The following PROM1 variants were observed in gnomAD, a reference collection of about 807,000 sequenced individuals.
PROM1 encodes prominin 1.
In PROM1, 105 loss-of-function variants were observed where a neutral mutation model predicts 116.9. That is an observed-to-expected ratio of 0.90 (90% confidence interval 0.77 to 1.06). The LOEUF (loss-of-function observed/expected upper bound fraction) is 1.06, where lower values mean the gene tolerates loss of function less well. Among genes scored for constraint, PROM1 ranks in the 50% least tolerant of loss-of-function variants. The pLI, the probability that PROM1 is intolerant of heterozygous loss-of-function variation, is 0.00. For synonymous variants in PROM1, 393 were observed against 387.0 expected, an observed-to-expected ratio of 1.02 and a Z score of -0.18; for missense variants, 1,122 against 1,045.2, an observed-to-expected ratio of 1.07 and a Z score of -1.01.
chr4:16,077,616 G>A (rs1744234375), intron 1 of PROM1, among the ~76,000 whole-genome samples: 1 of 152,052 alleles, frequency 6.6e-6, no homozygotes, highest in Non-Finnish European at 1.5e-5. Context: ...GGTGTGGAGG[G>A]GCAACCCACC....
chr4:16,072,212 T>C (rs1008076956), intron 2 of PROM1, among the ~76,000 whole-genome samples: 5 of 152,140 alleles, frequency 3.3e-5, no homozygotes, highest in African/African-American at 1.2e-4. Flanking sequence ...TTTATTAAGC[T>C]GGAACTTGAG....
rs1384321274 is a variant in PROM1, at chr4:16,009,075, T to A, written c.1175A>T (p.Asp392Val). 6.2e-7 allele frequency: 1 copy of A among 1,612,706 alleles called. No homozygotes were observed. Among genetic ancestry groups the A allele is most frequent in the African/African-American group, 1.3e-5 (1 of 74,908 alleles). ...AAGACGCTGAGTTACATTGTCGATA[T>A]CTGAACCAATGGAATTCAAGACCCT... ...IKRVLNSIGS[D>V]IDNVTQRLPI... Residue 392 changes from aspartate (D) to valine (V), a missense_variant, in exon 12 of 28, where the codon GAT becomes GTT. Coordinates refer to ENST00000447510, the MANE Select transcript of PROM1 (RefSeq NM_006017.3).
intron 8 of PROM1, among the ~76,000 whole-genome samples, chr4:16,021,918 A>C (rs1730001188): frequency 6.6e-6 from 1 of 152,170 alleles, no homozygotes; most frequent in Non-Finnish European, 1.5e-5. Context: ...AAGTTTAGGG[A>C]GGTAACTAAC....
At chr4:16,037,859 G>A (rs1734290029) in intron 3 of PROM1, 1 of 152,188 alleles carries the variant, frequency 6.6e-6, no homozygotes. Context: ...GGAGTGCATT[G>A]GCAGCAACTT....
Position 15,992,333 on chromosome 4 carries a change from AG to A in PROM1, c.1825del (p.Leu609CysfsTer18). On this transcript the variant is annotated frameshift_variant, in exon 17 of 28. Coordinates refer to ENST00000447510, the MANE Select transcript of PROM1 (RefSeq NM_006017.3). LOFTEE classifies it high-confidence loss of function. ...GTTTTTTCTTCCTGCTGCACCCAAC[AG>A]AAAGATATTAAGATTTACCTTCAGA... Reference protein sequence around the residue: ...ESLKVNLNIFLLGAAGRKNLQ... With the variant: ...ESLKVNLNIFXLGAAGRKNLQ... 2 of 1,613,974 alleles carry A rather than the reference AG, an allele frequency of 1.2e-6. No homozygotes were observed. Among genetic ancestry groups the A allele is most frequent in the Non-Finnish European group, 1.7e-6 (2 of 1,179,858 alleles).
At chr4:16,022,440 G>C (rs549316777) in intron 8 of PROM1, among the ~76,000 whole-genome samples, 2 of 152,334 alleles carry the variant, frequency 1.3e-5, no homozygotes, top group South Asian at 4.1e-4. Context: ...CTTTCAATTA[G>C]TTAGGACTCA....
At chr4:16,083,899 C>A (rs7669150) in intron 1 of PROM1, 79 bp downstream of exon 1, 4 of 152,216 alleles carry the variant, frequency 2.6e-5, no homozygotes, top group Non-Finnish European at 5.9e-5. Context: ...CGGGGGGACC[C>A]GTTGCGGCTT....
At chr4:16,039,071 G>C in intron 2 of PROM1, 70 bp from the exon 3 acceptor site, 1 of 1,271,144 alleles carries the variant, frequency 7.9e-7, no homozygotes, top group Non-Finnish European at 1.0e-6. Flanking sequence ...TTTAGAAAAA[G>C]ATCTTTATAT....
At position 15,983,969 on chromosome 4, in the gene PROM1, A is replaced by C. The variant is rs191488432; in HGVS notation, c.2373+294T>G. Among the ~76,000 whole-genome samples, 195 of 152,340 alleles carry C rather than the reference A, an allele frequency of 1.3e-3. 2 individuals carry two copies. The highest frequency in any genetic ancestry group is 4.6e-3 in the African/African-American group (192 of 41,588). ...GTAGTTGTACTGAGTATTCTTTTGA[A>C]GATGAGAAATCTGCACACCCGTGAC... On this transcript the variant is annotated intron_variant, in intron 23 of 27. Transcript: ENST00000447510.
chr4:16,018,457 T>G lies in PROM1; in HGVS notation c.868A>C (p.Ser290Arg), dbSNP rs182096110. The G allele has an allele frequency of 8.3e-4, 1,342 of 1,613,698 alleles. 14 individuals are homozygous for G. The East Asian group carries it at 0.016, about 19-fold the overall frequency. ...AGGCTAGTTTTCACGCTGGTCAGAC[T>G]GCTGCTAAGCTGTGTACTTTGTTGG... is the stretch of plus-strand genomic sequence containing the variant. ...LHQQSTQLSS[S>R]LTSVKTSLRS... The change falls in exon 9 of 28, where the codon AGT becomes CGT. Residue 290 changes from serine (S) to arginine (R), a missense_variant. Ser to Arg is a moderately radical substitution (Grantham distance 110). Coordinates refer to ENST00000447510, the MANE Select transcript of PROM1 (RefSeq NM_006017.3).
chr4:16,003,615 C>G (rs1180744035), intron 13 of PROM1, among the ~76,000 whole-genome samples: 5 of 152,144 alleles, frequency 3.3e-5, no homozygotes, highest in Non-Finnish European at 4.4e-5. Flanking sequence ...CGCCCCCCTG[C>G]AACAGATAAT....
At chr4:15,981,864 A>G (rs148023772) in intron 23 of PROM1, among the ~76,000 whole-genome samples, 56 of 152,346 alleles carry the variant, frequency 3.7e-4, no homozygotes, top group African/African-American at 1.3e-3. Context: ...CTGGATTTAC[A>G]TCCTTTCTTG....
chr4:16,036,494 A>G (rs1733971153), intron 3 of PROM1, among the ~76,000 whole-genome samples: 1 of 152,156 alleles, frequency 6.6e-6, no homozygotes. Flanking sequence ...GGCATTTTAA[A>G]TGATCCCGGT....
chr4:16,000,399 T>A (rs999249056), intron 14 of PROM1, 97 bp downstream of exon 14: 1 of 1,079,698 alleles, frequency 9.3e-7, no homozygotes, highest in Non-Finnish European at 1.2e-6. Context: ...ACCAAACTGC[T>A]TATAAGTTTG....
intron 2 of PROM1, among the ~76,000 whole-genome samples, chr4:16,041,820 G>A (rs1021869029): frequency 6.7e-6 from 1 of 149,504 alleles, no homozygotes; most frequent in Admixed American, 6.7e-5. Flanking sequence ...AAGGCTGAGA[G>A]ACAAATTGTG....
chr4:16,016,286 A>G, intron 9 of PROM1, 46 bp from the exon 10 acceptor site: 2 of 1,416,822 alleles, frequency 1.4e-6, no homozygotes, highest in Non-Finnish European at 9.7e-7. Flanking sequence ...GTTACCTTCA[A>G]AACAATTCCT....
In PROM1 at chr4:16,025,326, C is replaced by A. The variant is rs1278459931; in HGVS notation, c.510-14G>T. 3 of 1,613,028 alleles carry A rather than the reference C, an allele frequency of 1.9e-6. No homozygotes were observed. The highest frequency in any genetic ancestry group is 2.5e-6 in the Non-Finnish European group (3 of 1,179,340). On this transcript the variant is annotated splice_polypyrimidine_tract_variant and intron_variant, in intron 5 of 27. Transcript: ENST00000447510. ...AAGATGCCAATGCTGCAGGAAAAGG[C>A]AGAGAGAAGAAAGAGCATTTACTGT... is the stretch of plus-strand genomic sequence containing the variant.
intron 13 of PROM1, among the ~76,000 whole-genome samples, chr4:16,004,089 C>T (rs959439002): frequency 1.3e-5 from 2 of 152,220 alleles, no homozygotes; most frequent in African/African-American, 4.8e-5. Flanking sequence ...ACTGATGACG[C>T]TTGTATCATC....
chr4:16,056,651 GAA>G (rs572825806), intron 2 of PROM1, among the ~76,000 whole-genome samples: 2 of 140,174 alleles, frequency 1.4e-5, no homozygotes, highest in Admixed American at 7.2e-5. Flanking sequence ...AACAAGCCAT[GAA>G]AAAAAAAAAA....
Sources: gnomAD v4.1 joint callset for allele counts (sites outside exome capture counted in the v4.1 genomes callset) on GRCh38, gnomAD v4.1.1 for gene constraint, MANE v1.5 for transcripts, NCBI Gene and HGNC (gene_info 2026-07-23, HGNC 2026-07-21) for gene names.